SLC24A3: variants seen among roughly 807,000 people sequenced by gnomAD.
SLC24A3 encodes sodium/potassium/calcium exchanger 3.
A neutral mutation model predicts 75.8 loss-of-function variants in SLC24A3; 28 were observed. The ratio of observed to expected loss-of-function variants is 0.37; its 90% CI spans 0.27 to 0.51. The LOEUF (loss-of-function observed/expected upper bound fraction) is 0.51, where lower values mean the gene tolerates loss of function less well. SLC24A3 is among the 20% of genes least tolerant of loss of function. The pLI is 0.94. For missense variants in SLC24A3, 663 were observed against 847.8 expected, an observed-to-expected ratio of 0.78 and a Z score of 2.71; for synonymous variants, 372 against 334.1, an observed-to-expected ratio of 1.11 and a Z score of -1.24.
chr20:19,416,665 G>A (rs1986832883), intron 2 of SLC24A3, among the ~76,000 whole-genome samples: 1 of 152,194 alleles, frequency 6.6e-6, no homozygotes, highest in Non-Finnish European at 1.5e-5. Flanking sequence ...TGGAATTTTA[G>A]CAGTTCACTA....
At chr20:19,538,642 A>G (rs1038241519) in intron 3 of SLC24A3, among the ~76,000 whole-genome samples, 1 of 152,196 alleles carries the variant, frequency 6.6e-6, no homozygotes, top group African/African-American at 2.4e-5. Context: ...TATCTAAATA[A>G]AGCAACTGGA....
chr20:19,307,276 CTCAA>C (rs1177513482), intron 2 of SLC24A3, among the ~76,000 whole-genome samples: 1 of 152,104 alleles, frequency 6.6e-6, no homozygotes, highest in Non-Finnish European at 1.5e-5. Context: ...GTGATCAATG[CTCAA>C]TCAATGGTCA....
intron 2 of SLC24A3, among the ~76,000 whole-genome samples, chr20:19,484,123 G>T (rs887404219): frequency 1.3e-5 from 2 of 152,166 alleles, no homozygotes; most frequent in Non-Finnish European, 2.9e-5. Flanking sequence ...TGTGGTAAGG[G>T]TTGAGTATCC....
chr20:19,468,375 G>T (rs112110112), intron 2 of SLC24A3, among the ~76,000 whole-genome samples: 1 of 151,942 alleles, frequency 6.6e-6, no homozygotes, highest in Admixed American at 6.6e-5. Context: ...AAGCCAAGGG[G>T]GTACAGGCCT....
chr20:19,323,484 T>C lies in SLC24A3; in HGVS notation c.271+42397T>C, dbSNP rs184270791. Reference sequence around the variant, plus strand: ...CATTTCTTTTATATTTAAGATATTTTAAAATATAAGGGTACCTCAAGAACC... The same window carrying C: ...CATTTCTTTTATATTTAAGATATTTCAAAATATAAGGGTACCTCAAGAACC... On this transcript the variant is annotated intron_variant, in intron 2 of 16. Transcript: ENST00000328041. Among the ~76,000 whole-genome samples the C allele has an allele frequency of 7.9e-5, 12 of 152,276 alleles. No homozygotes were observed. The East Asian group carries it at 2.3e-3, about 29-fold the overall frequency.
chr20:19,398,044 G>T lies in SLC24A3; in HGVS notation c.271+116957G>T, dbSNP rs1986487613. On this transcript the variant is annotated intron_variant, in intron 2 of 16. Transcript: ENST00000328041. ...TTTTCTACTTCTTTTTTCTATCTTGGCTTCTTTCTCTTAAATTATTACTTT... is the reference window on the plus strand; with the variant it reads ...TTTTCTACTTCTTTTTTCTATCTTGTCTTCTTTCTCTTAAATTATTACTTT... 2.0e-5 allele frequency among the ~76,000 whole-genome samples: 3 copies of T among 152,026 alleles called. 1 individual carries two copies.
intron 2 of SLC24A3, among the ~76,000 whole-genome samples, chr20:19,389,489 A>G (rs1413380484): frequency 6.6e-6 from 1 of 151,892 alleles, no homozygotes; most frequent in East Asian, 1.9e-4. Flanking sequence ...GCAGGTTATA[A>G]TATTCTTGGT....
intron 3 of SLC24A3, among the ~76,000 whole-genome samples, chr20:19,545,588 ATGGGTCTGGGCCT>A (rs2030574864): frequency 6.6e-6 from 1 of 152,148 alleles, no homozygotes; most frequent in Non-Finnish European, 1.5e-5. Flanking sequence ...GCATGGGGAC[ATGGGTCTGGGCCT>A]TGCTGCGTTG....
In SLC24A3 at chr20:19,545,380, G is replaced by A. The variant is rs547986894; in HGVS notation, c.348+29816G>A. On this transcript the variant is annotated intron_variant, in intron 3 of 16. Transcript: ENST00000328041. ...ACTCCTCTTCAGAGGTGCTCCCCCT[G>A]GAGTCAGCTGGCCTGGCATCCGCAC... 3.9e-5 allele frequency among the ~76,000 whole-genome samples: 6 copies of A among 152,316 alleles called. No homozygotes were observed. The South Asian group carries it at 1.2e-3, about 32-fold the overall frequency.
At chr20:19,444,023 A>C (rs1039197229) in intron 2 of SLC24A3, among the ~76,000 whole-genome samples, 3 of 152,118 alleles carry the variant, frequency 2.0e-5, no homozygotes, top group Non-Finnish European at 4.4e-5. Flanking sequence ...TAGTTTCCTG[A>C]GAGTTTTTTA....
chr20:19,626,394 GAGAA>G (rs1436891258), intron 6 of SLC24A3, among the ~76,000 whole-genome samples: 1 of 152,160 alleles, frequency 6.6e-6, no homozygotes, highest in Non-Finnish European at 1.5e-5. Flanking sequence ...GTTACATATA[GAGAA>G]AGAAATTCCA....
intron 1 of SLC24A3, among the ~76,000 whole-genome samples, chr20:19,277,683 C>G (rs1221629335): frequency 1.3e-5 from 2 of 152,208 alleles, no homozygotes; most frequent in Non-Finnish European, 2.9e-5. Context: ...TCCAGAGGTG[C>G]TGCCTTAAGA....
At chr20:19,431,598 C>G (rs1361118043) in intron 2 of SLC24A3, among the ~76,000 whole-genome samples, 1 of 152,032 alleles carries the variant, frequency 6.6e-6, no homozygotes, top group Non-Finnish European at 1.5e-5. Flanking sequence ...TTCCAAACTA[C>G]TACTGAGCAA....
At chr20:19,472,742 G>T (rs374648712) in intron 2 of SLC24A3, among the ~76,000 whole-genome samples, 1 of 152,298 alleles carries the variant, frequency 6.6e-6, no homozygotes, top group East Asian at 1.9e-4. Flanking sequence ...GATTGTGGAC[G>T]TCCCCACTAC....
At chr20:19,635,834 A>G (rs1388327855) in intron 6 of SLC24A3, among the ~76,000 whole-genome samples, 4 of 152,166 alleles carry the variant, frequency 2.6e-5, no homozygotes, top group African/African-American at 9.7e-5. Flanking sequence ...CTGAGAGTAA[A>G]TGTTCCAGAA....
chr20:19,720,832 T>C (rs928070619), intron 16 of SLC24A3, among the ~76,000 whole-genome samples, 159 bp from the exon 17 acceptor site: 32 of 152,114 alleles, frequency 2.1e-4, no homozygotes, highest in Non-Finnish European at 1.5e-5. Context: ...TCCCACAATC[T>C]GAGACGAGAG....
At chr20:19,299,960 T>G (rs999862000) in intron 2 of SLC24A3, among the ~76,000 whole-genome samples, 3 of 152,166 alleles carry the variant, frequency 2.0e-5, no homozygotes, top group Non-Finnish European at 4.4e-5. Context: ...TTCCATGATT[T>G]CTTATTTCCA....
intron 6 of SLC24A3, among the ~76,000 whole-genome samples, chr20:19,592,296 G>T (rs1422334723): frequency 6.6e-6 from 1 of 152,142 alleles, no homozygotes; most frequent in African/African-American, 2.4e-5. Flanking sequence ...TTGTTAGTCA[G>T]GGGTTTTGTC....
At chr20:19,454,488 G>C (rs1053902612) in intron 2 of SLC24A3, among the ~76,000 whole-genome samples, 2 of 152,160 alleles carry the variant, frequency 1.3e-5, no homozygotes, top group Admixed American at 6.5e-5. Flanking sequence ...TGCTATGTTA[G>C]CAATTGGTTG....
Sources: gnomAD v4.1 joint callset for allele counts (sites outside exome capture counted in the v4.1 genomes callset) on GRCh38, gnomAD v4.1.1 for gene constraint, MANE v1.5 for transcripts, NCBI Gene and HGNC (gene_info 2026-07-23, HGNC 2026-07-21) for gene names.